Variants in COL18A1 observed in about 807,000 individuals in gnomAD.
The protein encoded by COL18A1 is collagen alpha-1(XVIII) chain.
Under a neutral mutation model 168.0 loss-of-function variants are expected in COL18A1, and 133 were observed. That is an observed-to-expected ratio of 0.79 (90% CI 0.69 to 0.91). The LOEUF (loss-of-function observed/expected upper bound fraction) is 0.91. COL18A1 is among the 40% of genes least tolerant of loss of function. The pLI, the probability that COL18A1 is intolerant of heterozygous loss-of-function variation, is 0.00. For synonymous variants in COL18A1, 949 were observed against 809.0 expected, an observed-to-expected ratio of 1.17 and a Z score of -2.94; for missense variants, 2,126 against 1,925.4, an observed-to-expected ratio of 1.10 and a Z score of -1.95.
rs1340447301 is a variant in COL18A1, at chr21:45,512,448, C to A, written c.*50C>A. 1 of 1,568,014 alleles carries A rather than the reference C, an allele frequency of 6.4e-7. No homozygotes were observed. The highest frequency in any genetic ancestry group is 1.8e-5 in the Admixed American group (1 of 54,786). On this transcript the variant is annotated 3_prime_UTR_variant, in exon 42 of 42. Transcript: ENST00000651438. ...GAGAGGACCGGCGGCTCGGAGGAAG[C>A]CCCCACCGTGGGCAGGGAGCGGCCG... is the stretch of plus-strand genomic sequence containing the variant.
intron 5 of COL18A1, 90 bp from the exon 6 acceptor site, chr21:45,476,261 G>A (rs552194957): frequency 3.1e-5 from 49 of 1,573,104 alleles, no homozygotes; most frequent in East Asian, 1.4e-4. Flanking sequence ...TCTTTCTTGC[G>A]ATCTTAAGTA....
intron 25 of COL18A1, 64 bp downstream of exon 25, chr21:45,493,289 A>G (rs2036423562): frequency 6.6e-7 from 1 of 1,520,888 alleles, no homozygotes; most frequent in South Asian, 1.2e-5. Context: ...CAGCCTGCCC[A>G]GATGACCACT....
At position 45,493,721 on chromosome 21, in the gene COL18A1, G is replaced by C. The variant is rs532285723; in HGVS notation, c.2352+146G>C. On this transcript the variant is annotated intron_variant, in intron 26 of 41. Transcript: ENST00000651438. ...CTACCATCCAGGCCTGGCCCTGGTG[G>C]CCCCTCCTTTCTCGCACCCATGTCG... 197 of 658,150 alleles carry C rather than the reference G, an allele frequency of 3.0e-4. 1 individual carries two copies. Among genetic ancestry groups the C allele is most frequent in the South Asian group, 1.4e-3 (74 of 53,274 alleles). The allele number at this position is 658,150 out of a possible 1,614,324, so 40.8% of individuals were successfully genotyped here.
chr21:45,504,169 G>A (rs565623379), intron 33 of COL18A1, 115 bp downstream of exon 33: 90 of 1,241,946 alleles, frequency 7.2e-5, no homozygotes, highest in Admixed American at 2.1e-4. Context: ...TCAGCCCTGC[G>A]AGGGGCGCTG....
intron 15 of COL18A1, 98 bp downstream of exon 15, chr21:45,482,919 G>C: frequency 6.4e-7 from 1 of 1,558,592 alleles, no homozygotes; most frequent in Non-Finnish European, 8.8e-7. Context: ...TCGAGAGAGT[G>C]AGCTCTCTTG....
At chr21:45,496,404 G>A (rs2036545279) in intron 29 of COL18A1, 96 bp from the exon 30 acceptor site, 1 of 784,110 alleles carries the variant, frequency 1.3e-6, no homozygotes, top group African/African-American at 1.7e-5. Flanking sequence ...GCCTGGTCAG[G>A]TTTCTGATTT....
intron 32 of COL18A1, among the ~76,000 whole-genome samples, chr21:45,502,254 G>T (rs755597285): frequency 6.6e-6 from 1 of 152,226 alleles, no homozygotes; most frequent in Non-Finnish European, 1.5e-5. Context: ...GGGTTACAGG[G>T]CATGCCTCCA....
chr21:45,480,342 G>C, intron 11 of COL18A1, 125 bp from the exon 12 acceptor site: 1 of 1,558,382 alleles, frequency 6.4e-7, no homozygotes, highest in Non-Finnish European at 8.7e-7. Context: ...GGGCAGCAGA[G>C]GGGCCGTGGT....
At chr21:45,482,881 A>G in intron 15 of COL18A1, 60 bp downstream of exon 15, 3 of 1,613,196 alleles carry the variant, frequency 1.9e-6, no homozygotes, top group South Asian at 1.1e-5. Flanking sequence ...CAGTGCTCGG[A>G]CCCCCAAAGA....
chr21:45,486,744 C>T, intron 15 of COL18A1, 117 bp from the exon 16 acceptor site: 2 of 1,179,196 alleles, frequency 1.7e-6, no homozygotes, highest in African/African-American at 1.5e-5. Context: ...GCAGAATGTT[C>T]CTTACCTTTT....
intron 2 of COL18A1, among the ~76,000 whole-genome samples, chr21:45,441,033 G>A (rs2034356380): frequency 6.6e-6 from 1 of 152,196 alleles, no homozygotes. Context: ...GCTTGCCCCC[G>A]GGATGCAAAC....
intron 3 of COL18A1, among the ~76,000 whole-genome samples, chr21:45,470,497 T>G (rs1280650128): frequency 3.4e-5 from 5 of 148,532 alleles, no homozygotes; most frequent in South Asian, 4.2e-4. Context: ...TTTTTGTTTT[T>G]TTTTTTTTAG....
chr21:45,490,336 C>A lies in COL18A1; in HGVS notation c.2021C>A (p.Ala674Asp). The change falls in exon 20 of 42, where the codon GCT (alanine) becomes GAT (aspartate). Residue 674 changes from alanine to aspartate, a missense_variant. Transcript: ENST00000651438. ...FPGLPGREGI[A>D]GPQGPKGDRG... ...GGCCTCCCTGGCAGAGAGGGCATTG[C>A]TGGGCCCCAGGTGAGTTGCCTTGGT... 2 of 1,580,786 alleles carry A rather than the reference C, an allele frequency of 1.3e-6. No homozygotes were observed. The highest frequency in any genetic ancestry group is 2.3e-5 in the South Asian group (2 of 86,668).
At chr21:45,504,278 C>G in intron 33 of COL18A1, 138 bp from the exon 34 acceptor site, 3 of 943,920 alleles carry the variant, frequency 3.2e-6, no homozygotes, top group South Asian at 1.6e-5. Context: ...GAGTCGAGCC[C>G]TATTCTATGC....
rs531852170 is a variant in COL18A1 at position 45,471,544 on chromosome 21, C to T, written c.652-2351C>T. On this transcript the variant is annotated intron_variant, in intron 3 of 41. Coordinates refer to ENST00000651438, the MANE Select transcript of COL18A1 (RefSeq NM_001379500.1). This position sits in a 1 kb window ranked among gnomAD's most constrained non-coding sequence, Gnocchi z 4.4. ...ACAGATGGTGCCTGGGACCCCCGGC[C>T]GCAGCTGGGTCCAACAGAGCCCTCC... Among the ~76,000 whole-genome samples the T allele has an allele frequency of 2.0e-5, 3 of 152,278 alleles. No homozygotes were observed. The highest frequency in any genetic ancestry group is 1.9e-4 in the East Asian group (1 of 5,182).
rs945546720 is a variant in COL18A1 at position 45,496,232 on chromosome 21, T to A, written c.2509-268T>A. On this transcript the variant is annotated intron_variant, in intron 29 of 41. Coordinates refer to ENST00000651438, the MANE Select transcript of COL18A1 (RefSeq NM_001379500.1). The stretch of plus-strand genomic sequence containing the variant: ...CAGGGTGGGGCATTTTCAGTCACCT[T>A]TTTACCTGAGACGCAGACCCGGTGG... 2.1e-5 allele frequency: 14 copies of A among 664,318 alleles called. No individual in the cohort carries two copies. The African/African-American group carries it at 2.3e-4, about 11-fold the overall frequency. 41.2% of individuals were successfully genotyped at this position (664,318 alleles called of 1,614,324 possible).
In COL18A1 at chr21:45,493,033, C is replaced by T. The variant is rs75227606; in HGVS notation, c.2215-130C>T. 166,098 of 960,030 alleles carry T rather than the reference C, an allele frequency of 0.17. 15,030 individuals are homozygous for T. Among genetic ancestry groups the T allele is most frequent in the Middle Eastern group, 0.21 (663 of 3,222 alleles). 59.5% of individuals were successfully genotyped at this position (960,030 alleles called of 1,614,324 possible). ...GCAGTGTCCAGAGTGAGGCTGGGGCCGCGAGGGGCCCTGGTCGGGCTGTCG... is the reference window on the plus strand; with the variant it reads ...GCAGTGTCCAGAGTGAGGCTGGGGCTGCGAGGGGCCCTGGTCGGGCTGTCG... On this transcript the variant is annotated intron_variant, in intron 24 of 41. Coordinates refer to ENST00000651438, the MANE Select transcript of COL18A1 (RefSeq NM_001379500.1).
chr21:45,444,085 C>T (rs116896200), intron 2 of COL18A1, among the ~76,000 whole-genome samples: 11 of 152,310 alleles, frequency 7.2e-5, no homozygotes, highest in East Asian at 3.9e-4. Flanking sequence ...GTCTTCTGTT[C>T]GGCCCCTTCC....
chr21:45,493,060 G>T, intron 24 of COL18A1, 103 bp from the exon 25 acceptor site: 1 of 1,223,048 alleles, frequency 8.2e-7, no homozygotes, highest in Non-Finnish European at 1.2e-6. Flanking sequence ...GGGCTGTCGA[G>T]GCAGGCATAT....
Sources: allele counts gnomAD v4.1 joint callset (sites outside exome capture counted in the v4.1 genomes callset), GRCh38; gene constraint gnomAD v4.1.1; non-coding constraint Gnocchi (gnomAD v3.1); transcripts MANE v1.5; gene names NCBI Gene and HGNC (gene_info 2026-07-23, HGNC 2026-07-21).